The following ADGRF1 variants were observed in gnomAD, a reference collection of about 807,000 sequenced individuals.
ADGRF1 encodes adhesion G protein-coupled receptor F1.
In ADGRF1, 85 loss-of-function variants were observed where a neutral mutation model predicts 87.2. The ratio of observed to expected loss-of-function variants is 0.97; its 90% CI spans 0.82 to 1.17. The LOEUF is 1.17. ADGRF1 is among the 50% of genes most tolerant of loss of function. The pLI, the probability that ADGRF1 is intolerant of heterozygous loss-of-function variation, is 0.00. For synonymous variants in ADGRF1, 430 were observed against 408.8 expected (o/e 1.05, Z -0.63); for missense variants, 1,169 against 1,077.2 (o/e 1.09, Z -1.19).
chr6:47,026,174 A>T (rs902165145), intron 3 of ADGRF1, among the ~76,000 whole-genome samples, 171 bp from the exon 4 acceptor site: 2 of 152,166 alleles, frequency 1.3e-5, no homozygotes, highest in African/African-American at 4.8e-5. Flanking sequence ...GAGGGTAAAC[A>T]CAAGCAAATG....
chr6:47,037,379 A>T (rs1780616521), intron 1 of ADGRF1, among the ~76,000 whole-genome samples: 1 of 152,188 alleles, frequency 6.6e-6, no homozygotes, highest in African/African-American at 2.4e-5. Context: ...CTCCTGTTAT[A>T]GGTATTTGCT....
intron 7 of ADGRF1, chr6:47,019,545 G>A (rs933684203): frequency 8.2e-5 from 23 of 280,364 alleles, no homozygotes; most frequent in Middle Eastern, 1.8e-3. Flanking sequence ...TTAGCCAGGC[G>A]TGGTGGCACA....
intron 12 of ADGRF1, among the ~76,000 whole-genome samples, chr6:47,006,360 C>T (rs1779528940): frequency 6.6e-6 from 1 of 152,074 alleles, no homozygotes; most frequent in African/African-American, 2.4e-5. Context: ...ATGGCCTTCA[C>T]CTCTCCCAAC....
rs767733749 is a variant in ADGRF1 at position 47,009,570 on chromosome 6, G to A, written c.1865C>T (p.Thr622Ile). The A allele has an allele frequency of 1.9e-6, 3 of 1,614,152 alleles. No individual in the cohort carries two copies. In the Admixed American group the frequency reaches 5.0e-5, roughly 27 times the overall value. Residue 622 changes from threonine (T) to isoleucine (I), a missense_variant, in exon 11 of 15, where the codon ACA becomes ATA. Thr to Ile is a moderately conservative substitution (Grantham distance 89). Transcript: ENST00000371253. ...KQIKKSQTSH[T>I]RRICMVNIAL... ...TATGTTCACCATGCAAATACGACGT[G>A]TGTGAGAGGTTTGGCTTTTTTTAAT... is the stretch of plus-strand genomic sequence containing the variant.
At chr6:47,016,913 A>G in intron 7 of ADGRF1, 145 bp from the exon 8 acceptor site, 2 of 1,118,542 alleles carry the variant, frequency 1.8e-6, no homozygotes, top group Non-Finnish European at 2.3e-6. Flanking sequence ...AAGGCAAATA[A>G]AAAAACAAGT....
rs550326656 is a variant in ADGRF1, at chr6:47,015,493, C to T, written c.764-649G>A. The stretch of plus-strand genomic sequence containing the variant: ...TGGTGCAATCTTTGCTCACTGCAAC[C>T]TCTACCTCCCAGGCTCAAGTGATTC... On this transcript the variant is annotated intron_variant, in intron 8 of 14. Coordinates refer to ENST00000371253, the MANE Select transcript of ADGRF1 (RefSeq NM_153840.4). 5.9e-5 allele frequency among the ~76,000 whole-genome samples: 9 copies of T among 152,220 alleles called. 1 individual carries two copies. The highest frequency in any genetic ancestry group is 5.8e-4 in the East Asian group (3 of 5,178).
rs1308109817 is a variant in ADGRF1, at chr6:47,025,786, C to T, written c.277+68G>A. 5.8e-6 allele frequency: 8 copies of T among 1,389,348 alleles called. No homozygotes were observed. In the Admixed American group the frequency reaches 1.1e-4, roughly 19 times the overall value. The allele number at this position is 1,389,348 out of a possible 1,614,324, so 86.1% of individuals were successfully genotyped here. A position where few individuals can be genotyped will look rare whatever the true frequency, so the allele number is the denominator to read the frequency against. On this transcript the variant is annotated intron_variant, in intron 4 of 14. Coordinates refer to ENST00000371253, the MANE Select transcript of ADGRF1 (RefSeq NM_153840.4). Reference sequence around the variant, plus strand: ...AGGGATGATTGTTTCCACAGCATAACCCAACCTAGCCTGACTGATATACCC... The same window carrying T: ...AGGGATGATTGTTTCCACAGCATAATCCAACCTAGCCTGACTGATATACCC...
At chr6:47,020,915 A>T (rs755327167) in intron 6 of ADGRF1, 126 bp from the exon 7 acceptor site, 1 of 704,484 alleles carries the variant, frequency 1.4e-6, no homozygotes, top group Non-Finnish European at 2.5e-6. Context: ...AAAGAGACAC[A>T]GTGGGAAGTA....
At chr6:47,034,263 C>T (rs186352059) in intron 1 of ADGRF1, among the ~76,000 whole-genome samples, 3 of 152,266 alleles carry the variant, frequency 2.0e-5, no homozygotes, top group African/African-American at 7.2e-5. Flanking sequence ...TTGTAGATTA[C>T]TTATTTAATT....
At chr6:47,026,075 GAAAC>G in intron 3 of ADGRF1, 72 bp from the exon 4 acceptor site, 1 of 1,344,758 alleles carries the variant, frequency 7.4e-7, no homozygotes, top group Non-Finnish European at 1.0e-6. Flanking sequence ...AAGTGACTGA[GAAAC>G]AATCATCAAA....
intron 12 of ADGRF1, 70 bp from the exon 13 acceptor site, chr6:47,005,946 GC>G: frequency 1.0e-6 from 1 of 979,210 alleles, no homozygotes; most frequent in Non-Finnish European, 1.6e-6. Flanking sequence ...AAGAACAACT[GC>G]AGGTTGAAAT....
Position 47,015,582 on chromosome 6 carries a change from T to A in ADGRF1, c.764-738A>T, listed in dbSNP as rs1025954789. Among the ~76,000 whole-genome samples the A allele has an allele frequency of 5.3e-5, 8 of 151,080 alleles. No individual in the cohort carries two copies. The East Asian group carries it at 1.6e-3, about 29-fold the overall frequency. On this transcript the variant is annotated intron_variant, in intron 8 of 14. Transcript: ENST00000371253. Reference sequence around the variant, plus strand: ...CACACCACGATGCCTGGCTATTTATTTATTTATTTATTTATTTATTTTTGT... The same window carrying A: ...CACACCACGATGCCTGGCTATTTATATATTTATTTATTTATTTATTTTTGT...
In ADGRF1 at chr6:47,021,290, T is replaced by G. The variant is rs973589694; in HGVS notation, c.553-501A>C. Among the ~76,000 whole-genome samples the G allele has an allele frequency of 1.6e-4, 24 of 152,180 alleles. 1 individual carries two copies. The highest frequency in any genetic ancestry group is 4.4e-5 in the Non-Finnish European group (3 of 68,032). ...AGTTGAGAGTTTTGCTCAGTAACTCTCTTCAGCCTCTAACAACAGAGTTTT... is the reference window on the plus strand; with the variant it reads ...AGTTGAGAGTTTTGCTCAGTAACTCGCTTCAGCCTCTAACAACAGAGTTTT... On this transcript the variant is annotated intron_variant, in intron 6 of 14. Transcript: ENST00000371253.
intron 8 of ADGRF1, 116 bp downstream of exon 8, chr6:47,016,501 G>A (rs756931783): frequency 3.6e-5 from 41 of 1,153,222 alleles, no homozygotes; most frequent in Non-Finnish European, 4.7e-5. Context: ...GTGCTGAAAG[G>A]CAGTTAGAGA....
At chr6:47,027,338 C>T (rs1395906964) in intron 3 of ADGRF1, among the ~76,000 whole-genome samples, 1 of 152,226 alleles carries the variant, frequency 6.6e-6, no homozygotes, top group Non-Finnish European at 1.5e-5. Context: ...ATGTGCATCA[C>T]TGTTTCTGTG....
chr6:47,008,928 A>T lies in ADGRF1; in HGVS notation c.2490+17T>A. On this transcript the variant is annotated intron_variant, in intron 11 of 14. Transcript: ENST00000371253. ...CAATCACTTGACAATACAATAGGTT[A>T]TTGTTACTGTTCTCACCTGGAATGC... 1 of 1,559,840 alleles carries T rather than the reference A, an allele frequency of 6.4e-7. No homozygotes were observed. The highest frequency in any genetic ancestry group is 8.7e-7 in the Non-Finnish European group (1 of 1,149,946).
chr6:47,000,223 T>C lies in ADGRF1; in HGVS notation c.2732A>G (p.Ter911=). Residue 911 remains the stop codon, a stop_retained_variant, in exon 15 of 15, where the codon TAA becomes TGA. Coordinates refer to ENST00000371253, the MANE Select transcript of ADGRF1 (RefSeq NM_153840.4). ...IMLTQFVSNE[*] is the part of the protein sequence containing the mutation. ...TTCTTGATTTTATGATTCCTTGCCTTATTCATTTGAGACAAACTGAGTTAG... is the reference window on the plus strand; with the variant it reads ...TTCTTGATTTTATGATTCCTTGCCTCATTCATTTGAGACAAACTGAGTTAG... 1 of 1,607,452 alleles carries C rather than the reference T, an allele frequency of 6.2e-7. No homozygotes were observed.
At chr6:47,019,597 T>C (rs1223814850) in intron 7 of ADGRF1, 7 of 296,358 alleles carry the variant, frequency 2.4e-5, no homozygotes, top group South Asian at 1.3e-4. Flanking sequence ...GGAAGGAGGA[T>C]AGCGTGAACC....
chr6:47,002,621 G>A (rs1409108782), intron 13 of ADGRF1, among the ~76,000 whole-genome samples: 1 of 152,128 alleles, frequency 6.6e-6, no homozygotes, highest in Non-Finnish European at 1.5e-5. Flanking sequence ...GCCTCTTCAG[G>A]TGTGTGAAGT....
Sources: allele counts gnomAD v4.1 joint callset (sites outside exome capture counted in the v4.1 genomes callset), GRCh38; gene constraint gnomAD v4.1.1; transcripts MANE v1.5; gene names NCBI Gene and HGNC (gene_info 2026-07-23, HGNC 2026-07-21).